The following AFG1L variants were observed in gnomAD, a reference collection of about 807,000 sequenced individuals.
AFG1L encodes AFG1-like ATPase.
AFG1L carries 53 observed loss-of-function variants against 62.2 expected under a neutral mutation model. The ratio of observed to expected loss-of-function variants is 0.85; its 90% CI spans 0.68 to 1.07. The LOEUF is 1.07. AFG1L is among the 50% of genes least tolerant of loss of function. The probability of loss-of-function intolerance (pLI) is 0.00; values close to 1 mark genes in which losing one functional copy is unlikely to be tolerated. For synonymous variants in AFG1L, 228 were observed against 210.3 expected (o/e 1.08, Z -0.73); for missense variants, 555 against 590.5 (o/e 0.94, Z 0.62).
At chr6:108,335,978 C>T (rs1008798989) in intron 2 of AFG1L, among the ~76,000 whole-genome samples, 1 of 152,150 alleles carries the variant, frequency 6.6e-6, no homozygotes, top group Admixed American at 6.5e-5. Flanking sequence ...CTTAATTATG[C>T]TAGTAAACTG....
intron 7 of AFG1L, among the ~76,000 whole-genome samples, chr6:108,431,536 A>G (rs1196324325): frequency 2.0e-5 from 3 of 152,170 alleles, no homozygotes; most frequent in African/African-American, 7.2e-5. Context: ...CATTCTGAAC[A>G]AGACCTCTGG....
intron 8 of AFG1L, among the ~76,000 whole-genome samples, chr6:108,456,571 C>T (rs1382941778): frequency 6.6e-6 from 1 of 151,842 alleles, no homozygotes; most frequent in Non-Finnish European, 1.5e-5. Context: ...GTTGTACTAC[C>T]ATCACCACTA....
At chr6:108,441,126 T>C (rs1771527336) in intron 7 of AFG1L, among the ~76,000 whole-genome samples, 1 of 152,222 alleles carries the variant, frequency 6.6e-6, no homozygotes, top group African/African-American at 2.4e-5. Context: ...TAGTATGTTA[T>C]AGTTTTAAAA....
At chr6:108,456,081 T>C (rs1772241561) in intron 8 of AFG1L, among the ~76,000 whole-genome samples, 1 of 152,172 alleles carries the variant, frequency 6.6e-6, no homozygotes, top group Admixed American at 6.5e-5. Flanking sequence ...CTTACAGTTC[T>C]GTCTGGTTTT....
intron 7 of AFG1L, among the ~76,000 whole-genome samples, chr6:108,444,211 A>G (rs770889261): frequency 7.2e-5 from 11 of 152,226 alleles, no homozygotes; most frequent in Non-Finnish European, 4.4e-5. Flanking sequence ...TTCTCAGTGC[A>G]TATAAAGGTT....
chr6:108,402,432 C>T (rs1226573187), intron 7 of AFG1L, among the ~76,000 whole-genome samples: 1 of 145,642 alleles, frequency 6.9e-6, no homozygotes, highest in Non-Finnish European at 1.5e-5. Flanking sequence ...CCACTACACT[C>T]TAGCCTGGGT....
chr6:108,397,413 G>A (rs1279419749), intron 6 of AFG1L, among the ~76,000 whole-genome samples: 2 of 151,978 alleles, frequency 1.3e-5, no homozygotes, highest in East Asian at 3.9e-4. Context: ...ATAGGCGTGA[G>A]CCCTGGCTGA....
intron 1 of AFG1L, among the ~76,000 whole-genome samples, chr6:108,312,718 T>G (rs1200067165): frequency 3.3e-5 from 5 of 152,178 alleles, no homozygotes; most frequent in Non-Finnish European, 4.4e-5. Flanking sequence ...TTATGACATA[T>G]GTCAAGATTA....
intron 7 of AFG1L, among the ~76,000 whole-genome samples, chr6:108,438,952 C>A (rs1185090624): frequency 6.6e-6 from 1 of 152,184 alleles, no homozygotes; most frequent in Non-Finnish European, 1.5e-5. Flanking sequence ...GAGGTAGACT[C>A]AGGCCGTGTG....
chr6:108,482,319 A>G (rs1339673502), intron 10 of AFG1L, among the ~76,000 whole-genome samples: 1 of 152,210 alleles, frequency 6.6e-6, no homozygotes, highest in Non-Finnish European at 1.5e-5. Context: ...CTACATTGCA[A>G]CTAACAGTTT....
intron 7 of AFG1L, among the ~76,000 whole-genome samples, chr6:108,436,469 A>G (rs1055353041): frequency 5.3e-5 from 8 of 152,206 alleles, no homozygotes; most frequent in Non-Finnish European, 1.2e-4. Flanking sequence ...CAAATAAACC[A>G]ATCTGTTTAT....
chr6:108,436,323 T>G (rs532166244), intron 7 of AFG1L, among the ~76,000 whole-genome samples: 1 of 152,286 alleles, frequency 6.6e-6, no homozygotes, highest in Admixed American at 6.5e-5. Context: ...TTTTGTATTT[T>G]TAGTAGAGAC....
Position 108,428,106 on chromosome 6 carries a change from A to C in AFG1L, c.808-19108A>C, listed in dbSNP as rs569091249. Among the ~76,000 whole-genome samples the C allele has an allele frequency of 6.8e-4, 102 of 151,070 alleles. 1 individual carries two copies. The highest frequency in any genetic ancestry group is 2.4e-3 in the African/African-American group (97 of 41,102). On this transcript the variant is annotated intron_variant, in intron 7 of 12. Transcript: ENST00000368977. ...TTTTTATACTCACCCCTCTATAACC[A>C]CTCCATCTTCTGAGTCTCTAATGTC...
chr6:108,441,764 T>C (rs940252804), intron 7 of AFG1L, among the ~76,000 whole-genome samples: 3 of 150,990 alleles, frequency 2.0e-5, no homozygotes, highest in African/African-American at 7.3e-5. Context: ...GACAATTAAG[T>C]GCTAACATCT....
At chr6:108,516,883 G>T (rs1774917639) in intron 11 of AFG1L, among the ~76,000 whole-genome samples, 1 of 152,104 alleles carries the variant, frequency 6.6e-6, no homozygotes. Context: ...GCCAAATCAT[G>T]AGTGAACTCC....
intron 2 of AFG1L, among the ~76,000 whole-genome samples, chr6:108,340,643 G>A (rs189169163): frequency 3.3e-5 from 5 of 152,190 alleles, no homozygotes; most frequent in Non-Finnish European, 7.3e-5. Flanking sequence ...GGGATTACAG[G>A]TGTGAGCTTT....
At chr6:108,413,129 A>G (rs1782194723) in intron 7 of AFG1L, among the ~76,000 whole-genome samples, 1 of 152,208 alleles carries the variant, frequency 6.6e-6, no homozygotes, top group South Asian at 2.1e-4. Flanking sequence ...AGTCTCTCAT[A>G]AAACAGACTT....
chr6:108,492,404 A>G lies in AFG1L; in HGVS notation c.1062+15112A>G, dbSNP rs372700924. 1.3e-3 allele frequency among the ~76,000 whole-genome samples: 198 copies of G among 152,334 alleles called. 1 individual carries two copies. Among genetic ancestry groups the G allele is most frequent in the African/African-American group, 4.7e-3 (194 of 41,590 alleles). On this transcript the variant is annotated intron_variant, in intron 10 of 12. Coordinates refer to ENST00000368977, the MANE Select transcript of AFG1L (RefSeq NM_145315.5). ...AAGTACTGATTTCAATGATTATGGT[A>G]GAATAATGCTGGTACTAATTACTTC...
chr6:108,311,990 G>A (rs1053953074), intron 1 of AFG1L, among the ~76,000 whole-genome samples: 2 of 151,882 alleles, frequency 1.3e-5, no homozygotes, highest in Non-Finnish European at 2.9e-5. Context: ...TCAGCCTCCC[G>A]AGTAGCTGGG....
Sources: gnomAD v4.1 joint callset for allele counts (sites outside exome capture counted in the v4.1 genomes callset) on GRCh38, gnomAD v4.1.1 for gene constraint, MANE v1.5 for transcripts, NCBI Gene and HGNC (gene_info 2026-07-23, HGNC 2026-07-21) for gene names.